Variants in EFS observed in about 807,000 individuals in gnomAD.
EFS encodes embryonal Fyn-associated substrate.
A neutral mutation model predicts 42.2 loss-of-function variants in EFS; 34 were observed. The ratio of observed to expected loss-of-function variants is 0.81; its 90% CI spans 0.61 to 1.07. The LOEUF is 1.07. Ranked by LOEUF, EFS falls within the 50% of genes least tolerant of loss-of-function variation. The pLI, the probability that EFS is intolerant of heterozygous loss-of-function variation, is 0.00. For synonymous variants in EFS, 299 were observed against 320.7 expected, an observed-to-expected ratio of 0.93 and a Z score of 0.72; for missense variants, 717 against 729.4, an observed-to-expected ratio of 0.98 and a Z score of 0.20.
chr14:23,360,216 T>G lies in EFS; in HGVS notation c.363A>C (p.Pro121=). The G allele has an allele frequency of 6.2e-7, 1 of 1,613,538 alleles. No homozygotes were observed. The highest frequency in any genetic ancestry group is 1.1e-5 in the South Asian group (1 of 91,046). ...PTSGPPAGPC[P]PSPDLIYKIP... is the part of the protein sequence containing the mutation. ...TTTTGTAGATGAGGTCAGGAGAGGG[T>G]GGGCAAGGTCCAGCTGGAGGTCCTG... is the stretch of plus-strand genomic sequence containing the variant. Residue 121 remains proline, a synonymous_variant, in exon 3 of 6, where the codon CCA becomes CCC. Transcript: ENST00000216733.
Position 23,360,424 on chromosome 14 carries a change from G to A in EFS, c.297+131C>T, listed in dbSNP as rs564136821. 239 of 1,490,938 alleles carry A rather than the reference G, an allele frequency of 1.6e-4. 3 individuals are homozygous for A. In the South Asian group the frequency reaches 2.3e-3, roughly 14 times the overall value. 92.4% of individuals were successfully genotyped at this position (1,490,938 alleles called of 1,614,324 possible). Reference sequence around the variant, plus strand: ...TCAGAAAGGTTGGTAGACAGGTTTCGTCCAGCGCAGAGCAGTGAAGAGCTG... The same window carrying A: ...TCAGAAAGGTTGGTAGACAGGTTTCATCCAGCGCAGAGCAGTGAAGAGCTG... On this transcript the variant is annotated intron_variant, in intron 2 of 5. Coordinates refer to ENST00000216733, the MANE Select transcript of EFS (RefSeq NM_005864.4).
In EFS at chr14:23,359,701, C is replaced by G; in HGVS notation, c.777G>C (p.Gly259=). 6.6e-7 allele frequency: 1 copy of G among 1,514,496 alleles called. No individual in the cohort carries two copies. The highest frequency in any genetic ancestry group is 8.8e-7 in the Non-Finnish European group (1 of 1,132,820). The allele number at this position is 1,514,496 out of a possible 1,614,324, so 93.8% of individuals were successfully genotyped here. A position where few individuals can be genotyped will look rare whatever the true frequency, so the allele number is the denominator to read the frequency against. ...GCTCTGGAGAAGGGGGAGCCTCTGG[C>G]CCCAGCAGAGGCACATCGTAGATCC... The part of the protein sequence containing the change: ...DEGIYDVPLL[G]PEAPPSPEPP... The change falls in exon 4 of 6, where the codon GGG becomes GGC. Residue 259 remains glycine, a synonymous_variant. Coordinates refer to ENST00000216733, the MANE Select transcript of EFS (RefSeq NM_005864.4).
intron 4 of EFS, 107 bp from the exon 5 acceptor site, chr14:23,359,072 C>G: frequency 8.3e-7 from 1 of 1,201,554 alleles, no homozygotes; most frequent in Non-Finnish European, 1.2e-6. Context: ...GAAGGACACT[C>G]CTGTTATCAG....
At chr14:23,358,992 T>G in intron 4 of EFS, 27 bp from the exon 5 acceptor site, 3 of 1,585,426 alleles carry the variant, frequency 1.9e-6, no homozygotes, top group Non-Finnish European at 2.6e-6. Flanking sequence ...GGTCTCAGTG[T>G]CGGGGTGGGG....
At chr14:23,359,230 G>T in intron 4 of EFS, 87 bp downstream of exon 4, 1 of 1,573,056 alleles carries the variant, frequency 6.4e-7, no homozygotes, top group Non-Finnish European at 8.7e-7. Context: ...GAGGCAGGGA[G>T]GCTCTGCCTC....
At position 23,357,418 on chromosome 14, in the gene EFS, G is replaced by A. The variant is rs560731020; in HGVS notation, c.1494C>T (p.Ala498=). ...GDTLGRLAAS[A]PLRAQVRAAG... is the part of the protein sequence containing the mutation. Reference sequence around the variant, plus strand: ...CAGCCCTGACCTGTGCTCTCAGAGGGGCAGAGGCTGCCAGCCGGCCCAGGG... The same window carrying A: ...CAGCCCTGACCTGTGCTCTCAGAGGAGCAGAGGCTGCCAGCCGGCCCAGGG... Residue 498 remains alanine, a synonymous_variant, in exon 6 of 6, where the codon GCC becomes GCT. Coordinates refer to ENST00000216733, the MANE Select transcript of EFS (RefSeq NM_005864.4). The A allele has an allele frequency of 7.5e-5, 121 of 1,612,146 alleles. 1 individual carries two copies. The South Asian group carries it at 1.3e-3, about 17-fold the overall frequency.
At chr14:23,361,000 G>A (rs1172000044) in intron 1 of EFS, among the ~76,000 whole-genome samples, 167 bp from the exon 2 acceptor site, 3 of 152,200 alleles carry the variant, frequency 2.0e-5, no homozygotes, top group Admixed American at 1.3e-4. Context: ...TTCACCGCTT[G>A]CATTCTCCCT....
chr14:23,358,186 C>T (rs1462754750), intron 5 of EFS, among the ~76,000 whole-genome samples: 1 of 152,088 alleles, frequency 6.6e-6, no homozygotes, highest in Non-Finnish European at 1.5e-5. Flanking sequence ...TGCTCAATAG[C>T]CATATGTAGC....
Position 23,359,559 on chromosome 14 carries a change from G to C in EFS, c.919C>G (p.Leu307Val). 6.7e-7 allele frequency: 1 copy of C among 1,501,988 alleles called. No homozygotes were observed. The highest frequency in any genetic ancestry group is 8.8e-7 in the Non-Finnish European group (1 of 1,132,466). The allele number at this position is 1,501,988 out of a possible 1,614,324, so 93.0% of individuals were successfully genotyped here. ...GCCTCAGGGACAGGCAGGGCAGGCA[G>C]AGGGCGGCGGGACAGGCTCTCAGCT... ...PSAESLSRRP[L>V]PALPVPEAPS... The change falls in exon 4 of 6, where the codon CTG becomes GTG. Residue 307 changes from leucine to valine, a missense_variant. Coordinates refer to ENST00000216733, the MANE Select transcript of EFS (RefSeq NM_005864.4).
chr14:23,365,154 A>C lies in EFS; in HGVS notation c.-129T>G. On this transcript the variant is annotated 5_prime_UTR_variant, in exon 1 of 6. Coordinates refer to ENST00000216733, the MANE Select transcript of EFS (RefSeq NM_005864.4). This position sits in a 1 kb window ranked among gnomAD's most constrained non-coding sequence, Gnocchi z 5.3. ...GGCGCCTGAGTCGTGGCCTCCGCCA[A>C]GGTTGGAGGAGGAGAAAGAAAACCC... 2 of 806,000 alleles carry C rather than the reference A, an allele frequency of 2.5e-6. No homozygotes were observed. The highest frequency in any genetic ancestry group is 1.7e-6 in the Non-Finnish European group (1 of 588,190). The allele number at this position is 806,000 out of a possible 1,614,324, so 49.9% of individuals were successfully genotyped here. A position where few individuals can be genotyped will look rare whatever the true frequency, so the allele number is the denominator to read the frequency against.
Position 23,357,249 on chromosome 14 carries a change from G to C in EFS, c.1663C>G (p.Leu555Val). The C allele has an allele frequency of 6.4e-7, 1 of 1,568,314 alleles. No individual in the cohort carries two copies. The highest frequency in any genetic ancestry group is 8.7e-7 in the Non-Finnish European group (1 of 1,149,970). The change falls in exon 6 of 6, where the codon CTG becomes GTG. Residue 555 changes from leucine to valine, a missense_variant. Transcript: ENST00000216733. Reference protein sequence around the residue: ...LAGQALQFTTLLTSLAP With the variant: ...LAGQALQFTTVLTSLAP ...CTTCATGGAGCCAGGCTAGTGAGCAGGGTAGTGAATTGCAGGGCCTGCCCT... is the reference window on the plus strand; with the variant it reads ...CTTCATGGAGCCAGGCTAGTGAGCACGGTAGTGAATTGCAGGGCCTGCCCT...
chr14:23,358,483 C>T (rs1049931853), intron 5 of EFS, among the ~76,000 whole-genome samples: 18 of 152,160 alleles, frequency 1.2e-4, no homozygotes, highest in Admixed American at 7.2e-4. Context: ...GATTAACTGA[C>T]GGCTTCAAAG....
Position 23,357,059 on chromosome 14 carries a change from T to G in EFS, c.*167A>C, listed in dbSNP as rs1595022219. 2.0e-6 allele frequency: 1 copy of G among 500,058 alleles called. No homozygotes were observed. The allele number at this position is 500,058 out of a possible 1,614,324, so 31.0% of individuals were successfully genotyped here. A position where few individuals can be genotyped will look rare whatever the true frequency, so the allele number is the denominator to read the frequency against. Reference sequence around the variant, plus strand: ...AATGGCTTGTACAAAAAGCTGTAGGTTAGGGGGAGAAGACACCTCTGTGAG... The same window carrying G: ...AATGGCTTGTACAAAAAGCTGTAGGGTAGGGGGAGAAGACACCTCTGTGAG... On this transcript the variant is annotated 3_prime_UTR_variant, in exon 6 of 6. Coordinates refer to ENST00000216733, the MANE Select transcript of EFS (RefSeq NM_005864.4).
At chr14:23,360,981 C>A (rs1213628134) in intron 1 of EFS, 148 bp from the exon 2 acceptor site, 3 of 799,812 alleles carry the variant, frequency 3.8e-6, no homozygotes, top group Middle Eastern at 3.8e-4. Context: ...GCCCTAGCTT[C>A]TCTCCAGCTT....
Position 23,360,234 on chromosome 14 carries a change from AG to A in EFS, c.344del (p.Pro115LeufsTer59), listed in dbSNP as rs753416442. 2 of 1,613,994 alleles carry A rather than the reference AG, an allele frequency of 1.2e-6. No homozygotes were observed. The highest frequency in any genetic ancestry group is 4.5e-5 in the East Asian group (2 of 44,856). On this transcript the variant is annotated frameshift_variant, in exon 3 of 6. Transcript: ENST00000216733. LOFTEE classifies it high-confidence loss of function. ...GAGAGGGTGGGCAAGGTCCAGCTGGAGGTCCTGAGGTTGGACAGGGCCGAGC... is the reference window on the plus strand; with the variant it reads ...GAGAGGGTGGGCAAGGTCCAGCTGGAGTCCTGAGGTTGGACAGGGCCGAGC... ...PPARPCPTSG[P>X]PAGPCPPSPD...
Position 23,360,128 on chromosome 14 carries a change from C to T in EFS, c.438+13G>A, listed in dbSNP as rs750395614. ...TCTCCCACCCAACATACACAGGGAC[C>T]TCTAGCCCTCACCTCCAAGGCATCT... On this transcript the variant is annotated intron_variant, in intron 3 of 5. Coordinates refer to ENST00000216733, the MANE Select transcript of EFS (RefSeq NM_005864.4). 3.7e-6 allele frequency: 6 copies of T among 1,614,184 alleles called. No homozygotes were observed. In the South Asian group the frequency reaches 6.6e-5, roughly 18 times the overall value.
chr14:23,362,168 A>C (rs926032804), intron 1 of EFS, among the ~76,000 whole-genome samples: 2 of 152,228 alleles, frequency 1.3e-5, no homozygotes, highest in Admixed American at 1.3e-4. Flanking sequence ...GGTAGAATCA[A>C]GCTAAAACCA....
Position 23,365,102 on chromosome 14 carries a change from G to C in EFS, c.-77C>G. ...TTCAGCGGTGGCTGCCCCGCACCAT[G>C]GTCCGCGGCCTCTAGCCCCCAGCTG... On this transcript the variant is annotated 5_prime_UTR_variant, in exon 1 of 6. Coordinates refer to ENST00000216733, the MANE Select transcript of EFS (RefSeq NM_005864.4). This position sits in a 1 kb window ranked among gnomAD's most constrained non-coding sequence, Gnocchi z 5.3. The C allele has an allele frequency of 8.1e-7, 1 of 1,237,078 alleles. No individual in the cohort carries two copies. The highest frequency in any genetic ancestry group is 2.2e-4 in the Middle Eastern group (1 of 4,616). 76.6% of individuals were successfully genotyped at this position (1,237,078 alleles called of 1,614,324 possible).
At chr14:23,357,820 G>A (rs989083551) in intron 5 of EFS, among the ~76,000 whole-genome samples, 160 bp from the exon 6 acceptor site, 4 of 152,190 alleles carry the variant, frequency 2.6e-5, no homozygotes, top group Admixed American at 6.5e-5. Flanking sequence ...GCAGTGAAGT[G>A]CCCACACTTG....
Sources: allele counts gnomAD v4.1 joint callset (sites outside exome capture counted in the v4.1 genomes callset), GRCh38; gene constraint gnomAD v4.1.1; non-coding constraint Gnocchi (gnomAD v3.1); transcripts MANE v1.5; gene names NCBI Gene and HGNC (gene_info 2026-07-23, HGNC 2026-07-21).